PLCH1: variants seen among roughly 807,000 people sequenced by gnomAD.
PLCH1 encodes 1-phosphatidylinositol 4,5-bisphosphate phosphodiesterase eta-1.
Under a neutral mutation model 126.7 loss-of-function variants are expected in PLCH1, and 60 were observed. The ratio of observed to expected loss-of-function variants is 0.47; its 90% confidence interval spans 0.38 to 0.59. The LOEUF (loss-of-function observed/expected upper bound fraction) is 0.59, where lower values mean the gene tolerates loss of function less well. PLCH1 is among the 20% of genes least tolerant of loss of function. The probability of loss-of-function intolerance (pLI) is 0.00; values close to 1 mark genes in which losing one functional copy is unlikely to be tolerated. For synonymous variants in PLCH1, 719 were observed against 734.9 expected, an observed-to-expected ratio of 0.98 and a Z score of 0.35; for missense variants, 1,723 against 2,040.0, an observed-to-expected ratio of 0.84 and a Z score of 2.99.
At chr3:155,463,465 A>G (rs1275125213) in intron 21 of PLCH1, among the ~76,000 whole-genome samples, 2 of 152,200 alleles carry the variant, frequency 1.3e-5, no homozygotes, top group African/African-American at 2.4e-5. Context: ...AACTCTTCAG[A>G]AAAGGCAATG....
In PLCH1 at chr3:155,489,445, TA is replaced by T. The variant is rs1715833632; in HGVS notation, c.2393-640del. Among the ~76,000 whole-genome samples, 3 of 152,214 alleles carry T rather than the reference TA, an allele frequency of 2.0e-5. No individual in the cohort carries two copies. In the South Asian group the frequency reaches 6.2e-4, roughly 31 times the overall value. On this transcript the variant is annotated intron_variant, in intron 19 of 22. Transcript: ENST00000460012. The stretch of plus-strand genomic sequence containing the variant: ...AACTGTACAAGTAACACTCATCTTT[TA>T]AAGTAGGGAATATCAGTATTTATAA...
chr3:155,697,956 A>G (rs1486533834), intron 2 of PLCH1, among the ~76,000 whole-genome samples: 1 of 152,228 alleles, frequency 6.6e-6, no homozygotes, highest in Non-Finnish European at 1.5e-5. Flanking sequence ...TCTGTGGAAC[A>G]GGGCCTTGAA....
At chr3:155,663,017 AT>A (rs1260864575) in intron 2 of PLCH1, among the ~76,000 whole-genome samples, 2 of 152,180 alleles carry the variant, frequency 1.3e-5, no homozygotes, top group Non-Finnish European at 2.9e-5. Flanking sequence ...TTAAAAAAGT[AT>A]TAAATCTTTT....
At chr3:155,735,286 G>A (rs1161422505) in intron 1 of PLCH1, among the ~76,000 whole-genome samples, 2 of 152,192 alleles carry the variant, frequency 1.3e-5, no homozygotes, top group African/African-American at 4.8e-5. Flanking sequence ...AAGTTCAAGA[G>A]TCTATTGTAC....
chr3:155,490,917 T>C, intron 18 of PLCH1, 49 bp from the exon 19 acceptor site: 1 of 1,013,348 alleles, frequency 9.9e-7, no homozygotes, highest in Non-Finnish European at 1.5e-6. Flanking sequence ...TTTCTATACA[T>C]ATGTTAATTA....
intron 2 of PLCH1, among the ~76,000 whole-genome samples, chr3:155,634,936 G>A (rs973069392): frequency 4.6e-5 from 7 of 152,230 alleles, no homozygotes; most frequent in South Asian, 2.1e-4. Flanking sequence ...GGGTAAAAGC[G>A]TGAACTATGA....
At chr3:155,541,851 T>C (rs1177039803) in intron 10 of PLCH1, among the ~76,000 whole-genome samples, 1 of 152,040 alleles carries the variant, frequency 6.6e-6, no homozygotes, top group Non-Finnish European at 1.5e-5. Flanking sequence ...ATGCAGTGTC[T>C]GTGAAATGCA....
chr3:155,655,630 C>A (rs1741271416), intron 2 of PLCH1, among the ~76,000 whole-genome samples: 1 of 152,000 alleles, frequency 6.6e-6, no homozygotes, highest in South Asian at 2.1e-4. Context: ...GGGGGTCAGA[C>A]AATACTACAA....
At chr3:155,582,122 C>A (rs1730796887) in intron 6 of PLCH1, among the ~76,000 whole-genome samples, 3 of 141,504 alleles carry the variant, frequency 2.1e-5, no homozygotes, top group Admixed American at 7.3e-5. Flanking sequence ...CGCTCTGCCG[C>A]CCAGGCTGGA....
At chr3:155,685,074 G>A (rs917008539) in intron 2 of PLCH1, among the ~76,000 whole-genome samples, 1 of 152,218 alleles carries the variant, frequency 6.6e-6, no homozygotes, top group Non-Finnish European at 1.5e-5. Flanking sequence ...GACCAGAAGA[G>A]TAGTGAGTAC....
At chr3:155,475,215 C>T (rs1460509399), downstream of PLCH1, among the ~76,000 whole-genome samples, 1 of 151,732 alleles carries the variant, frequency 6.6e-6, no homozygotes, top group African/African-American at 2.4e-5. Context: ...CCTGAATAAC[C>T]ACTGGTTCAA....
chr3:155,505,939 T>G (rs1718604746), intron 12 of PLCH1, among the ~76,000 whole-genome samples: 1 of 151,748 alleles, frequency 6.6e-6, no homozygotes, highest in Non-Finnish European at 1.5e-5. Context: ...AATCTGTGAG[T>G]TCCTCTCTAT....
At chr3:155,620,346 G>C (rs1365660551) in intron 2 of PLCH1, among the ~76,000 whole-genome samples, 1 of 152,186 alleles carries the variant, frequency 6.6e-6, no homozygotes, top group Non-Finnish European at 1.5e-5. Flanking sequence ...CACACTTCCT[G>C]AGCAGCACCA....
chr3:155,554,983 G>C (rs359551), intron 8 of PLCH1, among the ~76,000 whole-genome samples: 78,692 of 152,010 alleles, frequency 0.52, 22,777 homozygotes, highest in Non-Finnish European at 0.66. Flanking sequence ...TTTTCACCAT[G>C]CCCCTCTGAC....
intron 1 of PLCH1, among the ~76,000 whole-genome samples, chr3:155,738,060 C>G (rs1577390572): frequency 6.6e-6 from 1 of 152,212 alleles, no homozygotes; most frequent in East Asian, 1.9e-4. Flanking sequence ...GGCAATTGAC[C>G]GGGTAAGGCT....
chr3:155,552,054 G>A (rs1293842375), intron 9 of PLCH1, among the ~76,000 whole-genome samples: 1 of 152,136 alleles, frequency 6.6e-6, no homozygotes, highest in Non-Finnish European at 1.5e-5. Flanking sequence ...TTCCACGTGG[G>A]AGGCATCATA....
chr3:155,470,663 G>C (rs546175241), intron 21 of PLCH1, among the ~76,000 whole-genome samples: 2 of 152,152 alleles, frequency 1.3e-5, no homozygotes, highest in African/African-American at 4.8e-5. Flanking sequence ...AAAATGTTAA[G>C]GGCAGCCAGA....
intron 11 of PLCH1, among the ~76,000 whole-genome samples, chr3:155,520,804 T>C (rs1290451940): frequency 6.6e-6 from 1 of 152,230 alleles, no homozygotes; most frequent in East Asian, 1.9e-4. Context: ...CCAGATTTTC[T>C]CTATGGCTGG....
chr3:155,654,960 C>A lies in PLCH1; in HGVS notation c.79+49186G>T, dbSNP rs147644734. ...TGTATCATCGACTTTGCTTCCACTG[C>A]CCTGGCCTCCTTGCTATTACTTAAA... is the stretch of plus-strand genomic sequence containing the variant. On this transcript the variant is annotated intron_variant, in intron 2 of 22. Coordinates refer to ENST00000460012, the MANE Select transcript of PLCH1 (RefSeq NM_014996.4). 1.9e-4 allele frequency among the ~76,000 whole-genome samples: 29 copies of A among 152,314 alleles called. No homozygotes were observed. The East Asian group carries it at 5.6e-3, about 29-fold the overall frequency.
Sources: allele counts gnomAD v4.1 joint callset (sites outside exome capture counted in the v4.1 genomes callset), GRCh38; gene constraint gnomAD v4.1.1; transcripts MANE v1.5; gene names NCBI Gene and HGNC (gene_info 2026-07-23, HGNC 2026-07-21).